Variants in NFATC3 observed in about 807,000 individuals in gnomAD.
The protein encoded by NFATC3 is nuclear factor of activated T-cells, cytoplasmic 3.
NFATC3 carries 46 observed loss-of-function variants against 98.6 expected under a neutral mutation model. The observed-to-expected ratio is 0.47, with a 90% CI of 0.37 to 0.60. NFATC3 has a LOEUF of 0.60. Among genes scored for constraint, NFATC3 ranks in the 20% least tolerant of loss-of-function variants. The pLI is 0.00. For synonymous variants in NFATC3, 512 were observed against 472.2 expected (o/e 1.08, Z -1.09); for missense variants, 1,256 against 1,295.5 (o/e 0.97, Z 0.47).
At chr16:68,093,118 C>T (rs956424443) in intron 1 of NFATC3, among the ~76,000 whole-genome samples, 5 of 152,192 alleles carry the variant, frequency 3.3e-5, no homozygotes, top group African/African-American at 1.2e-4. Context: ...ATATCAAGCT[C>T]ATCACCTTTA....
rs114664583 is a variant in NFATC3 at position 68,160,381 on chromosome 16, C to G, written c.1601+2313C>G. 9.9e-3 allele frequency among the ~76,000 whole-genome samples: 1,500 copies of G among 152,124 alleles called. 25 individuals are homozygous for G. Among genetic ancestry groups the G allele is most frequent in the African/African-American group, 0.034 (1,409 of 41,488 alleles). The stretch of plus-strand genomic sequence containing the variant: ...TCAGGAGGCTGAGGCTTGAGAATCG[C>G]TTGAATCCAGGAGGCAGAGGTTGTA... On this transcript the variant is annotated intron_variant, in intron 4 of 9. Coordinates refer to ENST00000346183, the MANE Select transcript of NFATC3 (RefSeq NM_173165.3).
At chr16:68,116,519 G>A (rs2036286175) in intron 1 of NFATC3, among the ~76,000 whole-genome samples, 1 of 152,132 alleles carries the variant, frequency 6.6e-6, no homozygotes, top group African/African-American at 2.4e-5. Context: ...TCTAGACTTG[G>A]AAATCTGGAC....
intron 1 of NFATC3, among the ~76,000 whole-genome samples, chr16:68,106,673 A>G (rs1160810416): frequency 6.7e-6 from 1 of 149,392 alleles, no homozygotes; most frequent in Non-Finnish European, 1.5e-5. Flanking sequence ...TGATCTGTCC[A>G]CCTCAGCCTC....
chr16:68,122,043 T>C lies in NFATC3; in HGVS notation c.160T>C (p.Ser54Pro), dbSNP rs1034120991. The C allele has an allele frequency of 3.7e-6, 6 of 1,613,590 alleles. No individual in the cohort carries two copies. In the Admixed American group the frequency reaches 6.7e-5, roughly 18 times the overall value. The stretch of plus-strand genomic sequence containing the variant: ...CATCTTTAATGTAGATCCACCTCCA[T>C]CTACTTTAACCACACCACTTTGCTT... ...IYIFNVDPPP[S>P]TLTTPLCLPH... is the part of the protein sequence containing the mutation. Residue 54 changes from serine to proline, a missense_variant, in exon 2 of 10, where the codon TCT (serine) becomes CCT (proline). Physicochemically the swap from Ser to Pro is moderately conservative, Grantham distance 74. Around this residue, in one of 3 missense-constraint regions of NFATC3, gnomAD observed 464 missense variants for 465.7 expected, o/e 1.00. Transcript: ENST00000346183.
In NFATC3 at chr16:68,122,263, A is replaced by G. The variant is rs746782725; in HGVS notation, c.380A>G (p.His127Arg). 1.1e-5 allele frequency: 18 copies of G among 1,614,066 alleles called. No individual in the cohort carries two copies. The highest frequency in any genetic ancestry group is 1.5e-5 in the Non-Finnish European group (18 of 1,180,040). Residue 127 changes from histidine to arginine, a missense_variant, in exon 2 of 10, where the codon CAT becomes CGT. This residue lies in a region of NFATC3 where 464 missense variants were observed against 465.7 expected (regional missense o/e 1.00). Transcript: ENST00000346183. ...AACTGTCATCAAGAATTAGATGCAC[A>G]TGAAGATGACCTACAGATAAATGAC... The part of the protein sequence containing the change: ...SPNCHQELDA[H>R]EDDLQINDPE...
chr16:68,226,918 A>AAAAAAAAAAAAAAAG lies in NFATC3; in HGVS notation c.*452_*453insAAAAAAAAAGAAAAA, dbSNP rs2042050120. ...GAAGCAAAAAAAAAAAAAAAAAAAA[A>AAAAAAAAAAAAAAAG]AAAAAGAAAAAAAAAGAAAAGAAAA... On this transcript the variant is annotated 3_prime_UTR_variant, in exon 10 of 10. Transcript: ENST00000346183. 1.7e-5 allele frequency: 2 copies of AAAAAAAAAAAAAAAG among 117,312 alleles called. No homozygotes were observed. Among genetic ancestry groups the AAAAAAAAAAAAAAAG allele is most frequent in the Admixed American group, 8.5e-5 (1 of 11,800 alleles). The allele number at this position is 117,312 out of a possible 1,614,324, so 7.3% of individuals were successfully genotyped here.
chr16:68,088,371 T>G, intron 1 of NFATC3, among the ~76,000 whole-genome samples: 1 of 146,300 alleles, frequency 6.8e-6, no homozygotes, highest in South Asian at 2.1e-4. Flanking sequence ...ACATATATAT[T>G]TACATATATA....
chr16:68,101,177 G>T (rs189213665), intron 1 of NFATC3, among the ~76,000 whole-genome samples: 19 of 151,586 alleles, frequency 1.3e-4, no homozygotes, highest in Non-Finnish European at 1.9e-4. Flanking sequence ...AGTCTTGCTC[G>T]TGTTGCCCAG....
intron 3 of NFATC3, among the ~76,000 whole-genome samples, chr16:68,137,714 C>T (rs1435399254): frequency 2.0e-5 from 3 of 151,438 alleles, no homozygotes; most frequent in African/African-American, 2.4e-5. Flanking sequence ...CCTGGGTTCA[C>T]GCCATTCTCC....
At chr16:68,150,417 A>G (rs2080349688) in intron 3 of NFATC3, among the ~76,000 whole-genome samples, 1 of 136,766 alleles carries the variant, frequency 7.3e-6, no homozygotes, top group African/African-American at 3.4e-5. Flanking sequence ...ATATCTAAAA[A>G]AAAAAAAAAA....
chr16:68,106,758 A>G (rs905637083), intron 1 of NFATC3, among the ~76,000 whole-genome samples: 3 of 149,482 alleles, frequency 2.0e-5, no homozygotes, highest in African/African-American at 7.5e-5. Context: ...TTTTTAATTT[A>G]ATTTAATTTT....
chr16:68,213,826 C>T (rs963664284), intron 9 of NFATC3, among the ~76,000 whole-genome samples: 1 of 152,042 alleles, frequency 6.6e-6, no homozygotes, highest in Non-Finnish European at 1.5e-5. Context: ...GAGACTCCAT[C>T]TCAAAAAAAA....
chr16:68,206,958 G>A (rs192009490), intron 9 of NFATC3, among the ~76,000 whole-genome samples: 5 of 150,146 alleles, frequency 3.3e-5, no homozygotes, highest in African/African-American at 1.2e-4. Context: ...CTCCAACCCG[G>A]GCAACAGAGA....
At chr16:68,219,991 C>T (rs570378847) in intron 9 of NFATC3, among the ~76,000 whole-genome samples, 1 of 152,212 alleles carries the variant, frequency 6.6e-6, no homozygotes, top group Non-Finnish European at 1.5e-5. Flanking sequence ...TTCCAGTGGA[C>T]TGCCAATTTG....
At chr16:68,147,174 C>G (rs61124235) in intron 3 of NFATC3, among the ~76,000 whole-genome samples, 1,994 of 152,242 alleles carry the variant, frequency 0.013, 40 homozygotes, top group African/African-American at 0.045. Context: ...TTGTGAAGCT[C>G]TTATACATGT....
intron 4 of NFATC3, among the ~76,000 whole-genome samples, chr16:68,164,710 T>C (rs999093486): frequency 6.6e-6 from 1 of 151,562 alleles, no homozygotes; most frequent in Non-Finnish European, 1.5e-5. Context: ...AAACCCCGTC[T>C]CTACTGAAAA....
At chr16:68,085,921 G>A in intron 1 of NFATC3, 137 bp downstream of exon 1, 1 of 612,386 alleles carries the variant, frequency 1.6e-6, no homozygotes. Context: ...TGTGTGGTGA[G>A]TTAAAAACGG....
intron 1 of NFATC3, among the ~76,000 whole-genome samples, chr16:68,094,098 A>G (rs1450564225): frequency 6.6e-6 from 1 of 152,100 alleles, no homozygotes; most frequent in Non-Finnish European, 1.5e-5. Context: ...ACTGTGCTAG[A>G]CCCAAATTTA....
At chr16:68,201,323 TG>T (rs2040901694) in intron 9 of NFATC3, among the ~76,000 whole-genome samples, 1 of 152,128 alleles carries the variant, frequency 6.6e-6, no homozygotes, top group South Asian at 2.1e-4. Context: ...CTTGACCTCC[TG>T]GGACTCAGGT....
Sources: allele counts gnomAD v4.1 joint callset (sites outside exome capture counted in the v4.1 genomes callset), GRCh38; gene constraint gnomAD v4.1.1; regional missense constraint gnomAD v4.1.1; transcripts MANE v1.5; gene names NCBI Gene and HGNC (gene_info 2026-07-23, HGNC 2026-07-21).